Variants in NKAIN2 observed in about 807,000 individuals in gnomAD.
NKAIN2 encodes the protein sodium/potassium transporting ATPase interacting 2.
In NKAIN2, 14 loss-of-function variants were observed where a neutral mutation model predicts 32.6. The ratio of observed to expected loss-of-function variants is 0.43; its 90% confidence interval spans 0.28 to 0.67. The LOEUF (loss-of-function observed/expected upper bound fraction) is 0.67, where lower values mean the gene tolerates loss of function less well. Ranked by LOEUF, NKAIN2 falls within the 30% of genes least tolerant of loss-of-function variation. NKAIN2 has a pLI of 0.17. For missense variants in NKAIN2, 198 were observed against 258.3 expected, an observed-to-expected ratio of 0.77 and a Z score of 1.60; for synonymous variants, 80 against 87.2, an observed-to-expected ratio of 0.92 and a Z score of 0.46.
At chr6:124,805,693 G>A (rs1780515256) in intron 5 of NKAIN2, among the ~76,000 whole-genome samples, 1 of 151,974 alleles carries the variant, frequency 6.6e-6, no homozygotes. Context: ...CAAACTACGA[G>A]CTACAGGAGG....
intron 4 of NKAIN2, among the ~76,000 whole-genome samples, chr6:124,751,546 A>C (rs1348836897): frequency 6.6e-6 from 1 of 151,864 alleles, no homozygotes. Flanking sequence ...ACAGGAGAGG[A>C]AATTATTTAA....
chr6:123,865,540 A>G (rs962743486), intron 1 of NKAIN2, among the ~76,000 whole-genome samples: 2 of 152,116 alleles, frequency 1.3e-5, no homozygotes, highest in Admixed American at 1.3e-4. Context: ...ATATCGTTAT[A>G]TTTCACTTAT....
chr6:124,387,014 C>T (rs879786569), intron 3 of NKAIN2, among the ~76,000 whole-genome samples: 2 of 152,092 alleles, frequency 1.3e-5, no homozygotes, highest in Admixed American at 1.3e-4. Context: ...TTCTTAGTGC[C>T]TCAGAGTAGA....
chr6:124,346,755 T>C (rs1798443635), intron 2 of NKAIN2, among the ~76,000 whole-genome samples: 1 of 152,064 alleles, frequency 6.6e-6, no homozygotes, highest in Non-Finnish European at 1.5e-5. Flanking sequence ...GTTTCCTGAA[T>C]ACAGCACAAT....
chr6:124,415,651 A>C (rs1363714595), intron 3 of NKAIN2, among the ~76,000 whole-genome samples: 1 of 152,090 alleles, frequency 6.6e-6, no homozygotes, highest in Non-Finnish European at 1.5e-5. Flanking sequence ...TCAATCCTCT[A>C]TTCCTTCCTT....
intron 4 of NKAIN2, among the ~76,000 whole-genome samples, chr6:124,718,198 C>G (rs760315886): frequency 1.4e-4 from 22 of 152,210 alleles, no homozygotes; most frequent in African/African-American, 3.1e-4. Flanking sequence ...TTTTATTACT[C>G]TAAAGAGAAA....
Position 123,864,721 on chromosome 6 carries a change from A to G in NKAIN2, c.54+60467A>G, listed in dbSNP as rs139367089. ...CCCTGAGGTAGAAGTGAGCTTGGCT[A>G]AGTTAAAATTTTAAAATATATTAAG... is the stretch of plus-strand genomic sequence containing the variant. On this transcript the variant is annotated intron_variant, in intron 1 of 6. Transcript: ENST00000368417. Among the ~76,000 whole-genome samples the G allele has an allele frequency of 3.2e-4, 49 of 152,332 alleles. No individual in the cohort carries two copies. In the East Asian group the frequency reaches 8.5e-3, roughly 26 times the overall value.
intron 1 of NKAIN2, among the ~76,000 whole-genome samples, chr6:123,969,201 C>G (rs1778225700): frequency 6.6e-6 from 1 of 152,204 alleles, no homozygotes. Flanking sequence ...CTTACCCTGA[C>G]TACCACTGTA....
In NKAIN2 at chr6:123,997,634, C is replaced by T. The variant is rs374281195; in HGVS notation, c.54+193380C>T. 5.3e-5 allele frequency among the ~76,000 whole-genome samples: 7 copies of T among 131,454 alleles called. No homozygotes were observed. In the East Asian group the frequency reaches 6.8e-4, roughly 13 times the overall value. 86.2% of individuals were successfully genotyped at this position (131,454 alleles called of 152,430 possible). A position where few individuals can be genotyped will look rare whatever the true frequency, so the allele number is the denominator to read the frequency against. ...TTTTTTTTTTTTTGAGACAGAGTCT[C>T]GCTCTGTTGCCCAGGCTGGAGTGCA... On this transcript the variant is annotated intron_variant, in intron 1 of 6. Transcript: ENST00000368417.
At chr6:124,527,665 C>T (rs906986921) in intron 3 of NKAIN2, among the ~76,000 whole-genome samples, 11 of 152,082 alleles carry the variant, frequency 7.2e-5, no homozygotes, top group African/African-American at 2.4e-4. Flanking sequence ...GGAGAGACAA[C>T]CAAGTAAGCA....
intron 3 of NKAIN2, among the ~76,000 whole-genome samples, chr6:124,430,585 C>T (rs332630): frequency 0.15 from 22,183 of 152,042 alleles, 2,003 homozygotes; most frequent in East Asian, 0.24. Context: ...CATCTCTTTA[C>T]AGTATCTCCA....
chr6:124,119,974 G>C (rs73566062), intron 1 of NKAIN2, among the ~76,000 whole-genome samples: 7,055 of 152,060 alleles, frequency 0.046, 555 homozygotes, highest in African/African-American at 0.16. Flanking sequence ...GTTCTTGTTA[G>C]GATCCCAGAG....
chr6:123,933,402 A>G (rs1776353348), intron 1 of NKAIN2, among the ~76,000 whole-genome samples: 1 of 152,174 alleles, frequency 6.6e-6, no homozygotes, highest in African/African-American at 2.4e-5. Context: ...TGTAGCTTAT[A>G]TGTACATATA....
intron 1 of NKAIN2, among the ~76,000 whole-genome samples, chr6:123,970,657 T>G (rs139572211): frequency 6.3e-4 from 96 of 152,186 alleles, no homozygotes; most frequent in African/African-American, 2.2e-3. Context: ...GGAGGGCAGA[T>G]TGCCTGAGCT....
At chr6:123,814,572 GA>G (rs1237485319) in intron 1 of NKAIN2, among the ~76,000 whole-genome samples, 2 of 152,136 alleles carry the variant, frequency 1.3e-5, no homozygotes, top group Admixed American at 1.3e-4. Context: ...CTTTTCGTAA[GA>G]AAGAGGTGTT....
intron 2 of NKAIN2, among the ~76,000 whole-genome samples, chr6:124,299,427 C>T (rs912180433): frequency 6.6e-6 from 1 of 152,118 alleles, no homozygotes; most frequent in African/African-American, 2.4e-5. Flanking sequence ...ATTTTTCCTA[C>T]ATTTTCTCCA....
intron 2 of NKAIN2, among the ~76,000 whole-genome samples, chr6:124,335,457 G>A (rs908650726): frequency 6.6e-6 from 1 of 152,132 alleles, no homozygotes; most frequent in Non-Finnish European, 1.5e-5. Flanking sequence ...TTTAGAAGCT[G>A]TTTACATGAT....
chr6:123,928,141 A>G (rs760455097), intron 1 of NKAIN2, among the ~76,000 whole-genome samples: 9 of 152,216 alleles, frequency 5.9e-5, no homozygotes, highest in Non-Finnish European at 1.0e-4. Context: ...AGCCATTACT[A>G]ATGCAGAAAC....
intron 1 of NKAIN2, among the ~76,000 whole-genome samples, chr6:124,181,936 G>A (rs1353688211): frequency 6.6e-6 from 1 of 152,110 alleles, no homozygotes; most frequent in Non-Finnish European, 1.5e-5. Flanking sequence ...CACATTTTCA[G>A]TTATCTTTAG....
Sources: allele counts gnomAD v4.1 joint callset (sites outside exome capture counted in the v4.1 genomes callset), GRCh38; gene constraint gnomAD v4.1.1; transcripts MANE v1.5; gene names NCBI Gene and HGNC (gene_info 2026-07-23, HGNC 2026-07-21).